The following ADGRV1 variants were observed in gnomAD, a reference collection of about 807,000 sequenced individuals.
ADGRV1 encodes the protein adhesion G protein-coupled receptor V1.
Under a neutral mutation model 596.2 loss-of-function variants are expected in ADGRV1, and 359 were observed. The ratio of observed to expected loss-of-function variants is 0.60; its 90% CI spans 0.55 to 0.66. The LOEUF is 0.66. ADGRV1 is among the 30% of genes least tolerant of loss of function. The probability of loss-of-function intolerance (pLI) is 0.00; values close to 1 mark genes in which losing one functional copy is unlikely to be tolerated. For missense variants in ADGRV1, 7,274 were observed against 7,575.6 expected (o/e 0.96, Z 1.48); for synonymous variants, 2,681 against 2,679.2 (o/e 1.00, Z -0.02).
intron 85 of ADGRV1, among the ~76,000 whole-genome samples, chr5:91,004,432 TAA>T (rs34386974): frequency 2.1e-5 from 3 of 145,648 alleles, no homozygotes; most frequent in Non-Finnish European, 1.5e-5. Flanking sequence ...CTCCCGGTCC[TAA>T]AAAAAAAAAA....
intron 17 of ADGRV1, among the ~76,000 whole-genome samples, chr5:90,650,100 A>C (rs954828295): frequency 1.3e-5 from 2 of 152,218 alleles, no homozygotes; most frequent in South Asian, 4.1e-4. Flanking sequence ...ATGTCAAAAC[A>C]TCAAGGACTT....
At chr5:91,012,218 G>A (rs1204420791) in intron 85 of ADGRV1, among the ~76,000 whole-genome samples, 1 of 151,894 alleles carries the variant, frequency 6.6e-6, no homozygotes, top group Non-Finnish European at 1.5e-5. Context: ...TTAAACCAGT[G>A]TTCAAGGTCC....
At chr5:90,689,170 C>T (rs1040523840) in intron 29 of ADGRV1, among the ~76,000 whole-genome samples, 1 of 151,910 alleles carries the variant, frequency 6.6e-6, no homozygotes, top group Non-Finnish European at 1.5e-5. Context: ...GACAATAAAC[C>T]AGGCCCATCT....
At chr5:90,996,068 G>A (rs995070947) in intron 85 of ADGRV1, among the ~76,000 whole-genome samples, 2 of 152,156 alleles carry the variant, frequency 1.3e-5, no homozygotes, top group Non-Finnish European at 2.9e-5. Context: ...CTGGCTATGA[G>A]GTAGAAAAGA....
chr5:90,977,041 A>C (rs923318333), intron 84 of ADGRV1, among the ~76,000 whole-genome samples: 2 of 152,202 alleles, frequency 1.3e-5, no homozygotes, highest in African/African-American at 2.4e-5. Flanking sequence ...CCTTGGTAGA[A>C]AGGCTACTTA....
At chr5:90,988,687 A>G (rs1780700567) in intron 85 of ADGRV1, among the ~76,000 whole-genome samples, 1 of 152,050 alleles carries the variant, frequency 6.6e-6, no homozygotes, top group Non-Finnish European at 1.5e-5. Context: ...CATGTGCACA[A>G]CGTGCAGGTT....
At chr5:91,056,864 G>C (rs1243191305) in intron 85 of ADGRV1, among the ~76,000 whole-genome samples, 3 of 152,124 alleles carry the variant, frequency 2.0e-5, no homozygotes, top group African/African-American at 4.8e-5. Context: ...ACTAGAATAA[G>C]AAAATCGCTC....
chr5:90,864,880 T>C (rs1270094883), intron 83 of ADGRV1, among the ~76,000 whole-genome samples: 1 of 152,196 alleles, frequency 6.6e-6, no homozygotes, highest in Non-Finnish European at 1.5e-5. Flanking sequence ...CATATGTGTG[T>C]ATTGAATTTG....
intron 65 of ADGRV1, among the ~76,000 whole-genome samples, chr5:90,781,805 A>C (rs1437775665): frequency 6.6e-6 from 1 of 152,188 alleles, no homozygotes; most frequent in Admixed American, 6.5e-5. Flanking sequence ...CCTGTCTAGA[A>C]AAACTATGTT....
intron 74 of ADGRV1, among the ~76,000 whole-genome samples, chr5:90,813,132 C>CATAAAAA (rs1762589263): frequency 2.9e-5 from 1 of 34,914 alleles, no homozygotes; most frequent in African/African-American, 8.3e-5. Flanking sequence ...GACTCCGTCT[C>CATAAAAA]AAAAAAAAAA....
At chr5:91,140,034 T>C (rs1056243640) in intron 87 of ADGRV1, among the ~76,000 whole-genome samples, 2 of 152,202 alleles carry the variant, frequency 1.3e-5, no homozygotes, top group African/African-American at 4.8e-5. Context: ...AGCACTCAGC[T>C]TTTTTTCTCT....
chr5:90,703,576 TTGCA>T (rs927408788), intron 34 of ADGRV1, 85 bp from the exon 35 acceptor site: 24 of 907,460 alleles, frequency 2.6e-5, no homozygotes, highest in Non-Finnish European at 4.0e-5. Flanking sequence ...GCTGTAATAG[TTGCA>T]TGCTTGGGAT....
At chr5:90,994,878 A>G (rs1021726954) in intron 85 of ADGRV1, among the ~76,000 whole-genome samples, 3 of 152,190 alleles carry the variant, frequency 2.0e-5, no homozygotes, top group Admixed American at 2.0e-4. Flanking sequence ...GAAATCTCCT[A>G]GTCTTTGCCA....
chr5:90,757,040 C>G lies in ADGRV1; in HGVS notation c.11819C>G (p.Pro3940Arg). ...VPPPLNVLQV[P>R]VVRLAGSFGA... The stretch of plus-strand genomic sequence containing the variant: ...CCACCCTTGAACGTTCTTCAAGTTC[C>G]TGTAGTCCGGCTGGCTGGAAGCTTT... The change falls in exon 57 of 90, where the codon CCT (proline) becomes CGT (arginine). Residue 3940 changes from proline to arginine, a missense_variant. Transcript: ENST00000405460. 1 of 1,613,832 alleles carries G rather than the reference C, an allele frequency of 6.2e-7. No homozygotes were observed. The highest frequency in any genetic ancestry group is 2.2e-5 in the East Asian group (1 of 44,874).
intron 83 of ADGRV1, among the ~76,000 whole-genome samples, chr5:90,935,839 G>T (rs530950583): frequency 6.6e-6 from 1 of 152,230 alleles, no homozygotes; most frequent in South Asian, 2.1e-4. Context: ...TCCAGCCCAG[G>T]CAGTGACACA....
At chr5:91,106,677 C>T (rs1791903689) in intron 87 of ADGRV1, among the ~76,000 whole-genome samples, 1 of 152,088 alleles carries the variant, frequency 6.6e-6, no homozygotes, top group Non-Finnish European at 1.5e-5. Flanking sequence ...AGAGGAACAT[C>T]ACTTAGAAAT....
chr5:90,923,752 T>G (rs999667891), intron 83 of ADGRV1, among the ~76,000 whole-genome samples: 10 of 152,106 alleles, frequency 6.6e-5, no homozygotes, highest in South Asian at 2.1e-4. Flanking sequence ...CTAGCATTAG[T>G]TATATCTCCC....
Position 90,684,214 on chromosome 5 carries a change from G to A in ADGRV1, c.6274+19G>A. ...CGTTCAAGTAAGTATCCCTTAGTGT[G>A]TTATTATTATTATTAGCTCTCAGAA... On this transcript the variant is annotated intron_variant, in intron 28 of 89. Coordinates refer to ENST00000405460, the MANE Select transcript of ADGRV1 (RefSeq NM_032119.4). The A allele has an allele frequency of 6.4e-7, 1 of 1,550,954 alleles. No individual in the cohort carries two copies. Among genetic ancestry groups the A allele is most frequent in the South Asian group, 1.2e-5 (1 of 81,022 alleles).
chr5:91,104,457 T>C (rs974633636), intron 87 of ADGRV1, among the ~76,000 whole-genome samples: 1 of 152,242 alleles, frequency 6.6e-6, no homozygotes, highest in Non-Finnish European at 1.5e-5. Flanking sequence ...ATATCCTCCT[T>C]CTAGCACTTT....
Sources: allele counts gnomAD v4.1 joint callset (sites outside exome capture counted in the v4.1 genomes callset), GRCh38; gene constraint gnomAD v4.1.1; transcripts MANE v1.5; gene names NCBI Gene and HGNC (gene_info 2026-07-23, HGNC 2026-07-21).